The following CARMIL1 variants were observed in gnomAD, a reference collection of about 807,000 sequenced individuals.
CARMIL1 encodes the protein capping protein regulator and myosin 1 linker 1, also known as F-actin-uncapping protein LRRC16A.
CARMIL1 carries 90 observed loss-of-function variants against 177.1 expected under a neutral mutation model. That is an observed-to-expected ratio of 0.51 (90% CI 0.43 to 0.61). The LOEUF is 0.61. Among genes scored for constraint, CARMIL1 ranks in the 20% least tolerant of loss-of-function variants. The pLI, the probability that CARMIL1 is intolerant of heterozygous loss-of-function variation, is 0.00. For synonymous variants in CARMIL1, 577 were observed against 606.2 expected (o/e 0.95, Z 0.71); for missense variants, 1,380 against 1,667.0 (o/e 0.83, Z 3.00).
intron 2 of CARMIL1, among the ~76,000 whole-genome samples, chr6:25,355,346 C>T (rs1355879882): frequency 2.0e-5 from 3 of 152,020 alleles, no homozygotes; most frequent in Non-Finnish European, 4.4e-5. Context: ...AACTAAGTGC[C>T]TCAAAACCCC....
chr6:25,522,386 A>G (rs1438247098), intron 23 of CARMIL1, among the ~76,000 whole-genome samples: 1 of 151,918 alleles, frequency 6.6e-6, no homozygotes, highest in Non-Finnish European at 1.5e-5. Context: ...TCTCTGGCCA[A>G]CTCTTTTGTT....
intron 2 of CARMIL1, among the ~76,000 whole-genome samples, chr6:25,336,238 A>G (rs994103340): frequency 2.0e-5 from 3 of 151,738 alleles, no homozygotes; most frequent in Non-Finnish European, 2.9e-5. Flanking sequence ...TTTAGGAACT[A>G]CTTGCTGTCT....
chr6:25,350,532 G>T (rs77192487), intron 2 of CARMIL1: 1 of 152,146 alleles, frequency 6.6e-6, no homozygotes, highest in Non-Finnish European at 1.5e-5. Flanking sequence ...TTTGGGGCCC[G>T]CCTGGGTTCC....
At chr6:25,303,143 T>C (rs949313780) in intron 2 of CARMIL1, among the ~76,000 whole-genome samples, 1 of 151,940 alleles carries the variant, frequency 6.6e-6, no homozygotes, top group African/African-American at 2.4e-5. Flanking sequence ...TTTTTTCCAT[T>C]GTGAGAGTTG....
intron 8 of CARMIL1, among the ~76,000 whole-genome samples, chr6:25,459,275 T>TCTTTCTTTCTTTCTTTCTTTC (rs1272799059): frequency 6.4e-5 from 9 of 141,414 alleles, no homozygotes; most frequent in South Asian, 2.4e-4. Context: ...TCTTTTTTTT[T>TCTTTCTTTCTTTCTTTCTTTC]TTTTTAAGAC....
At chr6:25,337,758 G>A (rs760969105) in intron 2 of CARMIL1, among the ~76,000 whole-genome samples, 6 of 152,218 alleles carry the variant, frequency 3.9e-5, no homozygotes, top group Admixed American at 2.0e-4. Flanking sequence ...ACTAGAAAAT[G>A]TTCTCTTAAC....
chr6:25,283,923 G>T (rs1781332578), intron 1 of CARMIL1, among the ~76,000 whole-genome samples: 1 of 151,830 alleles, frequency 6.6e-6, no homozygotes, highest in Non-Finnish European at 1.5e-5. Flanking sequence ...TATCCATGTT[G>T]GCCAGGCTGG....
intron 8 of CARMIL1, among the ~76,000 whole-genome samples, chr6:25,459,131 A>T (rs1799780849): frequency 6.6e-6 from 1 of 151,746 alleles, no homozygotes. Flanking sequence ...ATAAGAGAAA[A>T]ACTTGATTCT....
chr6:25,435,144 G>A (rs187013419), intron 4 of CARMIL1, among the ~76,000 whole-genome samples: 91 of 152,300 alleles, frequency 6.0e-4, no homozygotes, highest in African/African-American at 2.1e-3. Flanking sequence ...GAATCTGCCA[G>A]CTTGGCCCTT....
chr6:25,346,186 G>T (rs116626667), intron 2 of CARMIL1, among the ~76,000 whole-genome samples: 2 of 151,864 alleles, frequency 1.3e-5, no homozygotes, highest in Non-Finnish European at 2.9e-5. Context: ...AGTGTTTACC[G>T]TGACTGACAA....
At position 25,279,480 on chromosome 6, in the gene CARMIL1, G is replaced by A. The variant is rs2150112902; in HGVS notation, c.-316G>A. On this transcript the variant is annotated 5_prime_UTR_variant, in exon 1 of 37. Coordinates refer to ENST00000329474, the MANE Select transcript of CARMIL1 (RefSeq NM_017640.6). ...CCGCCGGGGACCAGCGAGCCGGGAG[G>A]AGGAGCAGGCGCCACAGCCGCCCCG... The A allele has an allele frequency of 4.3e-6, 2 of 461,832 alleles. No homozygotes were observed. The highest frequency in any genetic ancestry group is 8.4e-5 in the East Asian group (2 of 23,772). The allele number at this position is 461,832 out of a possible 1,614,324, so 28.6% of individuals were successfully genotyped here. A position where few individuals can be genotyped will look rare whatever the true frequency, so the allele number is the denominator to read the frequency against.
chr6:25,418,435 G>A (rs542593658), intron 2 of CARMIL1, among the ~76,000 whole-genome samples: 2 of 151,840 alleles, frequency 1.3e-5, no homozygotes, highest in South Asian at 4.2e-4. Context: ...TGCTACTACC[G>A]AGCTGCACTT....
chr6:25,584,243 T>C (rs1181717489), intron 31 of CARMIL1, among the ~76,000 whole-genome samples: 1 of 150,976 alleles, frequency 6.6e-6, no homozygotes, highest in African/African-American at 2.4e-5. Flanking sequence ...TCTTGGTATG[T>C]TGCCCAGGCT....
intron 2 of CARMIL1, among the ~76,000 whole-genome samples, chr6:25,360,792 T>C (rs1475031209): frequency 6.6e-6 from 1 of 152,200 alleles, no homozygotes; most frequent in Non-Finnish European, 1.5e-5. Context: ...CCTTCCCTTA[T>C]TCACGTTGAG....
At chr6:25,590,096 A>G (rs1187306478) in intron 31 of CARMIL1, among the ~76,000 whole-genome samples, 1 of 152,200 alleles carries the variant, frequency 6.6e-6, no homozygotes, top group Non-Finnish European at 1.5e-5. Flanking sequence ...CAATACTCCA[A>G]TAAGTCAGGG....
chr6:25,567,284 T>C (rs1030381956), intron 29 of CARMIL1, among the ~76,000 whole-genome samples: 1 of 152,100 alleles, frequency 6.6e-6, no homozygotes, highest in Non-Finnish European at 1.5e-5. Context: ...CGGTGGATAG[T>C]ATCTTTATTC....
rs1805859085 is a variant in CARMIL1, at chr6:25,515,259, T to C, written c.1633-416T>C. ...GCTATTATTAATCCTGGCTGGCTTT[T>C]ATCTTGTATTTGTCCTCTATTAGTA... On this transcript the variant is annotated intron_variant, in intron 20 of 36. Coordinates refer to ENST00000329474, the MANE Select transcript of CARMIL1 (RefSeq NM_017640.6). The surrounding 1 kb of genome is among the most constrained non-coding windows in gnomAD (Gnocchi z 5.0). Among the ~76,000 whole-genome samples, 1 of 152,226 alleles carries C rather than the reference T, an allele frequency of 6.6e-6. No homozygotes were observed. Among genetic ancestry groups the C allele is most frequent in the African/African-American group, 2.4e-5 (1 of 41,460 alleles).
intron 35 of CARMIL1, among the ~76,000 whole-genome samples, chr6:25,608,149 TCTAGTTTGTAGAGTAAC>T (rs1009353116): frequency 2.6e-5 from 4 of 152,342 alleles, no homozygotes; most frequent in African/African-American, 7.2e-5. Context: ...ATAGAATGAA[TCTAGTTTGTAGAGTAAC>T]CTAGTTTGTA....
intron 2 of CARMIL1, among the ~76,000 whole-genome samples, chr6:25,323,517 G>C (rs1375450624): frequency 4.6e-5 from 7 of 152,114 alleles, no homozygotes; most frequent in Non-Finnish European, 1.0e-4. Context: ...GCTGAGGCGG[G>C]AGGATTGCTT....
Sources: gnomAD v4.1 joint callset for allele counts (sites outside exome capture counted in the v4.1 genomes callset) on GRCh38, gnomAD v4.1.1 for gene constraint, Gnocchi (gnomAD v3.1) non-coding constraint, MANE v1.5 for transcripts, NCBI Gene and HGNC (gene_info 2026-07-23, HGNC 2026-07-21) for gene names.